The following HAUS2 variants were observed in gnomAD, a reference collection of about 807,000 sequenced individuals.
HAUS2 encodes the protein HAUS augmin-like complex subunit 2.
HAUS2 carries 20 observed loss-of-function variants against 21.6 expected under a neutral mutation model. The observed-to-expected ratio is 0.93, with a 90% CI of 0.65 to 1.35. HAUS2 has a LOEUF of 1.35. Among genes scored for constraint, HAUS2 ranks in the 40% most tolerant of loss-of-function variants. The pLI, the probability that HAUS2 is intolerant of heterozygous loss-of-function variation, is 0.00. For synonymous variants in HAUS2, 113 were observed against 95.6 expected (o/e 1.18, Z -1.06); for missense variants, 297 against 280.7 (o/e 1.06, Z -0.42).
At chr15:42,564,539 A>C (rs529928356) in intron 5 of HAUS2, among the ~76,000 whole-genome samples, 1 of 152,324 alleles carries the variant, frequency 6.6e-6, no homozygotes, top group Admixed American at 6.5e-5. Context: ...TGCATAATAA[A>C]TGCAGCAAAG....
intron 2 of HAUS2, 115 bp downstream of exon 2, chr15:42,558,405 G>T (rs755854597): frequency 5.6e-6 from 3 of 540,342 alleles, no homozygotes; most frequent in Non-Finnish European, 6.5e-6. Context: ...TCGGCTCACT[G>T]CAAACTCCGC....
At chr15:42,565,387 A>ATGTGTGTGTGTGTG (rs139933934) in intron 5 of HAUS2, among the ~76,000 whole-genome samples, 43 of 136,496 alleles carry the variant, frequency 3.2e-4, no homozygotes, top group African/African-American at 9.2e-4. Flanking sequence ...GAGCCATTGA[A>ATGTGTGTGTGTGTG]TGTGTGTGTG....
At chr15:42,560,963 G>T in intron 3 of HAUS2, 2 of 622,914 alleles carry the variant, frequency 3.2e-6, no homozygotes, top group Non-Finnish European at 2.8e-6. Flanking sequence ...TTTGTGTTAA[G>T]AATATAGCTC....
chr15:42,566,819 A>C lies in HAUS2; in HGVS notation c.*3A>C, dbSNP rs368264840. ...TCCAAACTATTAATGCCAAGTAGTC[A>C]TCAACTTTATTTTTGCTTAATTATG... On this transcript the variant is annotated 3_prime_UTR_variant, in exon 6 of 6. Transcript: ENST00000260372. 2.1e-6 allele frequency: 3 copies of C among 1,412,562 alleles called. No individual in the cohort carries two copies. Among genetic ancestry groups the C allele is most frequent in the African/African-American group, 1.4e-5 (1 of 70,814 alleles). The allele number at this position is 1,412,562 out of a possible 1,614,324, so 87.5% of individuals were successfully genotyped here. A position where few individuals can be genotyped will look rare whatever the true frequency, so the allele number is the denominator to read the frequency against.
chr15:42,556,345 A>G (rs1264503462), intron 1 of HAUS2, among the ~76,000 whole-genome samples: 1 of 133,662 alleles, frequency 7.5e-6, no homozygotes, highest in Non-Finnish European at 1.6e-5. Flanking sequence ...GCTCACCACA[A>G]CCTTGTCTCC....
At chr15:42,562,211 G>A (rs1401059263) in intron 4 of HAUS2, among the ~76,000 whole-genome samples, 2 of 152,122 alleles carry the variant, frequency 1.3e-5, no homozygotes, top group East Asian at 3.9e-4. Context: ...CTCCGCCAGT[G>A]CCTCACTAGC....
intron 5 of HAUS2, among the ~76,000 whole-genome samples, chr15:42,565,760 A>G (rs762421649): frequency 2.0e-5 from 3 of 152,214 alleles, no homozygotes; most frequent in Non-Finnish European, 4.4e-5. Context: ...AAAGATTTAA[A>G]GCATAGGAAT....
chr15:42,564,751 A>C (rs1311284855), intron 5 of HAUS2, among the ~76,000 whole-genome samples: 1 of 152,242 alleles, frequency 6.6e-6, no homozygotes, highest in Admixed American at 6.5e-5. Context: ...GGCCTCTTAA[A>C]GTGCTGAGAT....
chr15:42,561,230 C>T (rs1462921066), intron 3 of HAUS2, 40 bp from the exon 4 acceptor site: 1 of 1,258,516 alleles, frequency 7.9e-7, no homozygotes, highest in Non-Finnish European at 1.2e-6. Flanking sequence ...TGTTATTTGT[C>T]CTATTGCTAA....
intron 1 of HAUS2, among the ~76,000 whole-genome samples, chr15:42,555,609 G>A (rs1161442410): frequency 1.3e-5 from 2 of 152,048 alleles, no homozygotes; most frequent in Non-Finnish European, 2.9e-5. Flanking sequence ...TAACACTGGT[G>A]GTTATTGAGC....
chr15:42,551,337 A>C (rs797006687), intron 1 of HAUS2, among the ~76,000 whole-genome samples: 2 of 152,152 alleles, frequency 1.3e-5, no homozygotes, highest in African/African-American at 4.8e-5. Context: ...GTCACAAAAT[A>C]GTTTGGCAAA....
chr15:42,550,434 A>G (rs1158056313), intron 1 of HAUS2, among the ~76,000 whole-genome samples: 1 of 152,182 alleles, frequency 6.6e-6, no homozygotes, highest in Non-Finnish European at 1.5e-5. Context: ...AAACTTGCCC[A>G]TGGTCACTAG....
intron 1 of HAUS2, among the ~76,000 whole-genome samples, chr15:42,554,326 T>G (rs2057751605): frequency 6.6e-6 from 1 of 152,076 alleles, no homozygotes; most frequent in South Asian, 2.1e-4. Context: ...AACATAAAAT[T>G]TACTATTTTA....
chr15:42,563,170 A>G (rs912272830), intron 4 of HAUS2, among the ~76,000 whole-genome samples: 5 of 151,820 alleles, frequency 3.3e-5, no homozygotes, highest in Non-Finnish European at 7.4e-5. Flanking sequence ...TAATCCCAGC[A>G]CTTTGGGAGG....
At chr15:42,563,716 A>T (rs745939350) in intron 4 of HAUS2, 33 bp from the exon 5 acceptor site, 1 of 1,058,936 alleles carries the variant, frequency 9.4e-7, no homozygotes, top group Non-Finnish European at 1.5e-6. Flanking sequence ...ATTAAACTTT[A>T]AAAAATGGTT....
Position 42,566,738 on chromosome 15 carries a change from T to C in HAUS2, c.630T>C (p.Tyr210=), listed in dbSNP as rs898646562. 3.8e-6 allele frequency: 6 copies of C among 1,561,368 alleles called. No individual in the cohort carries two copies. The highest frequency in any genetic ancestry group is 3.3e-5 in the South Asian group (3 of 89,984). The change falls in exon 6 of 6, where the codon TAT becomes TAC. Residue 210 remains tyrosine (Y), a synonymous_variant. Transcript: ENST00000260372. ...CCAAAATATTAGCTGAAGAAAGTTA[T>C]CTTTATAAACATGATATTATAATGC... is the stretch of plus-strand genomic sequence containing the variant. ...CIPKILAEES[Y]LYKHDIIMPP... is the part of the protein sequence containing the mutation.
At chr15:42,553,080 G>C (rs745797157) in intron 1 of HAUS2, among the ~76,000 whole-genome samples, 1 of 150,408 alleles carries the variant, frequency 6.6e-6, no homozygotes, top group African/African-American at 2.5e-5. Flanking sequence ...TCCGCCTCCC[G>C]GGTTCAAGCA....
intron 5 of HAUS2, among the ~76,000 whole-genome samples, chr15:42,566,214 A>AT (rs2057905233): frequency 6.6e-6 from 1 of 151,890 alleles, no homozygotes; most frequent in African/African-American, 2.4e-5. Context: ...AAAAAAAAAA[A>AT]GAGGTTAGTA....
chr15:42,558,141 A>G lies in HAUS2; in HGVS notation c.94-57A>G, dbSNP rs1007746191. 8.2e-5 allele frequency: 62 copies of G among 754,540 alleles called. No homozygotes were observed. The Admixed American group carries it at 1.3e-3, about 15-fold the overall frequency. 46.7% of individuals were successfully genotyped at this position (754,540 alleles called of 1,614,324 possible). ...TTTAGACTATGGGCATGCTATTCCA[A>G]TGTACCTAGAAACTTTTTGTGACAT... On this transcript the variant is annotated intron_variant, in intron 1 of 5. Transcript: ENST00000260372.
Sources: allele counts gnomAD v4.1 joint callset (sites outside exome capture counted in the v4.1 genomes callset), GRCh38; gene constraint gnomAD v4.1.1; transcripts MANE v1.5; gene names NCBI Gene and HGNC (gene_info 2026-07-23, HGNC 2026-07-21).